NRXN3: variants seen among roughly 807,000 people sequenced by gnomAD.
NRXN3 encodes neurexin III.
NRXN3 carries 32 observed loss-of-function variants against 137.6 expected under a neutral mutation model. The ratio of observed to expected loss-of-function variants is 0.23; its 90% CI spans 0.18 to 0.31. The LOEUF (loss-of-function observed/expected upper bound fraction) is 0.31, where lower values mean the gene tolerates loss of function less well. NRXN3 is among the 10% of genes least tolerant of loss of function. The probability of loss-of-function intolerance (pLI) is 1.00; values close to 1 mark genes in which losing one functional copy is unlikely to be tolerated. For missense variants in NRXN3, 1,574 were observed against 2,062.5 expected (o/e 0.76, Z 4.59); for synonymous variants, 798 against 784.5 (o/e 1.02, Z -0.29).
chr14:78,404,369 G>T (rs540108224), intron 4 of NRXN3, among the ~76,000 whole-genome samples: 2 of 152,254 alleles, frequency 1.3e-5, no homozygotes, highest in East Asian at 3.9e-4. Context: ...GAGTTTTTCA[G>T]AACTTGTGTG....
chr14:79,509,657 T>C (rs1193050771), intron 16 of NRXN3, among the ~76,000 whole-genome samples: 2 of 152,040 alleles, frequency 1.3e-5, no homozygotes, highest in Non-Finnish European at 2.9e-5. Context: ...AAAAAAGATA[T>C]GTGAAGTGAT....
chr14:79,681,734 A>AT (rs1463771347), intron 17 of NRXN3, among the ~76,000 whole-genome samples: 2 of 150,874 alleles, frequency 1.3e-5, no homozygotes, highest in African/African-American at 2.5e-5. Flanking sequence ...TTGAAATGGG[A>AT]TTGTAGCTAT....
At chr14:78,406,718 T>A (rs2092508099) in intron 4 of NRXN3, among the ~76,000 whole-genome samples, 1 of 152,186 alleles carries the variant, frequency 6.6e-6, no homozygotes, top group Non-Finnish European at 1.5e-5. Context: ...CAGCTATGTC[T>A]TATTACCAGT....
chr14:79,746,370 ATC>A (rs2098979738), intron 19 of NRXN3, among the ~76,000 whole-genome samples: 2 of 152,212 alleles, frequency 1.3e-5, no homozygotes. Context: ...CTTTTTGAGC[ATC>A]TTTGAGCACT....
chr14:78,983,611 C>A (rs2153053144), intron 14 of NRXN3, among the ~76,000 whole-genome samples: 1 of 152,118 alleles, frequency 6.6e-6, no homozygotes, highest in Admixed American at 6.5e-5. Flanking sequence ...GTAATCCCAG[C>A]ACTTTGGGAG....
chr14:79,574,056 T>A (rs2097641083), intron 16 of NRXN3, among the ~76,000 whole-genome samples: 1 of 152,052 alleles, frequency 6.6e-6, no homozygotes, highest in African/African-American at 2.4e-5. Context: ...AGGAAAAACA[T>A]AAAAGCAATC....
intron 4 of NRXN3, among the ~76,000 whole-genome samples, chr14:78,385,120 C>G (rs1189098841): frequency 1.3e-5 from 2 of 152,062 alleles, no homozygotes; most frequent in African/African-American, 4.8e-5. Context: ...AGGACTCACT[C>G]CCTTCTAAGA....
intron 15 of NRXN3, among the ~76,000 whole-genome samples, chr14:79,407,419 A>G (rs753944932): frequency 1.3e-5 from 2 of 152,146 alleles, no homozygotes; most frequent in Non-Finnish European, 1.5e-5. Context: ...GGTTTGCAGA[A>G]CAGGCATAGT....
intron 4 of NRXN3, among the ~76,000 whole-genome samples, chr14:78,522,293 GGTAA>G (rs2153802797): frequency 6.6e-6 from 1 of 152,256 alleles, no homozygotes; most frequent in South Asian, 2.1e-4. Context: ...TAAGTAGCTT[GGTAA>G]GTGTTACATA....
chr14:78,245,249 A>G lies in NRXN3; in HGVS notation c.709+1447A>G, dbSNP rs570410992. ...GAACAGTGGTTCTCAATTTAGCTGCATGTTAAGATTGTCTTGGGGGAATTT... is the reference window on the plus strand; with the variant it reads ...GAACAGTGGTTCTCAATTTAGCTGCGTGTTAAGATTGTCTTGGGGGAATTT... On this transcript the variant is annotated intron_variant, in intron 2 of 20. Transcript: ENST00000335750. Among the ~76,000 whole-genome samples, 7 of 152,310 alleles carry G rather than the reference A, an allele frequency of 4.6e-5. No homozygotes were observed. In the South Asian group the frequency reaches 1.5e-3, roughly 32 times the overall value.
chr14:78,370,272 A>G (rs182684501), intron 4 of NRXN3, among the ~76,000 whole-genome samples: 110 of 149,070 alleles, frequency 7.4e-4, no homozygotes, highest in African/African-American at 2.7e-3. Flanking sequence ...AATGTTGCCC[A>G]TGCACCAGCC....
intron 4 of NRXN3, among the ~76,000 whole-genome samples, chr14:78,572,590 GGAA>G (rs779727322): frequency 2.0e-5 from 3 of 152,252 alleles, no homozygotes; most frequent in South Asian, 2.1e-4. Context: ...GGGCCACAGT[GGAA>G]GAAGAAGAAT....
At chr14:79,713,164 C>CTTT (rs574716352) in intron 19 of NRXN3, among the ~76,000 whole-genome samples, 2 of 80,890 alleles carry the variant, frequency 2.5e-5, no homozygotes, top group Admixed American at 1.4e-4. Context: ...CTGATTTTTA[C>CTTT]TTTTTTTTTT....
intron 6 of NRXN3, among the ~76,000 whole-genome samples, chr14:78,668,655 G>A (rs78215789): frequency 8.5e-5 from 13 of 152,266 alleles, no homozygotes; most frequent in African/African-American, 3.1e-4. Flanking sequence ...TCTCAACAGT[G>A]CCGAAGCTGA....
At chr14:79,827,486 T>C (rs992518606) in intron 20 of NRXN3, among the ~76,000 whole-genome samples, 2 of 152,120 alleles carry the variant, frequency 1.3e-5, no homozygotes, top group African/African-American at 4.8e-5. Flanking sequence ...AGGCTATTCT[T>C]GCATTGCTAT....
intron 10 of NRXN3, among the ~76,000 whole-genome samples, chr14:78,836,332 T>C (rs2098996844): frequency 6.6e-6 from 1 of 152,232 alleles, no homozygotes; most frequent in Admixed American, 6.5e-5. Flanking sequence ...CTGCCTTTAC[T>C]ATAAATATTG....
chr14:79,481,358 T>C (rs1170510981), intron 16 of NRXN3, among the ~76,000 whole-genome samples: 1 of 152,228 alleles, frequency 6.6e-6, no homozygotes, highest in Non-Finnish European at 1.5e-5. Context: ...ATGAGGAGGA[T>C]ATGTTCTGGG....
intron 15 of NRXN3, among the ~76,000 whole-genome samples, chr14:79,357,137 C>T (rs1253704499): frequency 6.6e-6 from 1 of 152,076 alleles, no homozygotes; most frequent in Non-Finnish European, 1.5e-5. Flanking sequence ...GAGTTTGTAA[C>T]TTATGGGGAA....
intron 16 of NRXN3, among the ~76,000 whole-genome samples, chr14:79,614,792 A>C (rs2098138342): frequency 6.6e-6 from 1 of 152,232 alleles, no homozygotes; most frequent in African/African-American, 2.4e-5. Context: ...AATCCCTAGC[A>C]TCTACTCACA....
Sources: allele counts gnomAD v4.1 joint callset (sites outside exome capture counted in the v4.1 genomes callset), GRCh38; gene constraint gnomAD v4.1.1; transcripts MANE v1.5; gene names NCBI Gene and HGNC (gene_info 2026-07-23, HGNC 2026-07-21).